The following PMEPA1 variants were observed in gnomAD, a reference collection of about 807,000 sequenced individuals.
The protein encoded by PMEPA1 is protein TMEPAI.
A neutral mutation model predicts 23.0 loss-of-function variants in PMEPA1; 11 were observed. The observed-to-expected ratio is 0.48, with a 90% CI of 0.30 to 0.79. PMEPA1 has a LOEUF of 0.79. Ranked by LOEUF, PMEPA1 falls within the 30% of genes least tolerant of loss-of-function variation. The pLI is 0.06. For synonymous variants in PMEPA1, 204 were observed against 166.4 expected, an observed-to-expected ratio of 1.23 and a Z score of -1.74; for missense variants, 377 against 390.9, an observed-to-expected ratio of 0.96 and a Z score of 0.30.
At chr20:57,663,672 G>A (rs76112234) in intron 1 of PMEPA1, among the ~76,000 whole-genome samples, 1 of 152,336 alleles carries the variant, frequency 6.6e-6, no homozygotes, top group Non-Finnish European at 1.5e-5. Context: ...TGCAGGGCAC[G>A]GAGTGCGGGG....
At chr20:57,658,541 T>G (rs2071359419) in intron 2 of PMEPA1, among the ~76,000 whole-genome samples, 1 of 152,090 alleles carries the variant, frequency 6.6e-6, no homozygotes, top group South Asian at 2.1e-4. Context: ...GATGGATGGA[T>G]GGAAGTGCTT....
At chr20:57,697,662 A>AC (rs2071958886) in intron 1 of PMEPA1, among the ~76,000 whole-genome samples, 1 of 152,234 alleles carries the variant, frequency 6.6e-6, no homozygotes, top group Non-Finnish European at 1.5e-5. Context: ...GCAGCTATGC[A>AC]GATGGGGAAC....
chr20:57,710,264 C>T, upstream of PMEPA1: 2 of 601,526 alleles, frequency 3.3e-6, no homozygotes, highest in Non-Finnish European at 5.3e-6. Flanking sequence ...GCCCGGCGCA[C>T]GCCCGGGGCC....
chr20:57,703,499 CA>C (rs914617402), intron 1 of PMEPA1, among the ~76,000 whole-genome samples: 3 of 152,220 alleles, frequency 2.0e-5, no homozygotes, highest in Non-Finnish European at 4.4e-5. Context: ...CTCTGTCCAC[CA>C]AGCCTGGCAG....
rs1278151162 is a variant in PMEPA1 at position 57,709,630 on chromosome 20, CG to C, written c.-49del. On this transcript the variant is annotated 5_prime_UTR_variant, in exon 1 of 4. Coordinates refer to ENST00000341744, the MANE Select transcript of PMEPA1 (RefSeq NM_020182.5). ...GGGGCGCGGGGGGCTCGGGGGCGGCCGGGGGGGGCTCCGGCCGGCGCCCGGA... is the reference window on the plus strand; with the variant it reads ...GGGGCGCGGGGGGCTCGGGGGCGGCCGGGGGGGCTCCGGCCGGCGCCCGGA... The C allele has an allele frequency of 9.2e-4, 158 of 171,332 alleles. No individual in the cohort carries two copies. The highest frequency in any genetic ancestry group is 1.4e-3 in the South Asian group (6 of 4,172). 10.6% of individuals were successfully genotyped at this position (171,332 alleles called of 1,614,324 possible).
intron 1 of PMEPA1, among the ~76,000 whole-genome samples, chr20:57,680,976 GGTCGGGGCC>G (rs2071704593): frequency 6.6e-6 from 1 of 151,050 alleles, no homozygotes; most frequent in African/African-American, 2.5e-5. Context: ...TCATCCCACG[GGTCGGGGCC>G]GGGTCAGTGA....
intron 1 of PMEPA1, among the ~76,000 whole-genome samples, chr20:57,692,793 G>A (rs2071899604): frequency 6.6e-6 from 1 of 152,218 alleles, no homozygotes; most frequent in Non-Finnish European, 1.5e-5. Context: ...ATCCAGGCCA[G>A]GCTAAGTGGG....
At chr20:57,669,097 C>T (rs1428121878) in intron 1 of PMEPA1, among the ~76,000 whole-genome samples, 2 of 152,134 alleles carry the variant, frequency 1.3e-5, no homozygotes, top group Non-Finnish European at 2.9e-5. Flanking sequence ...AGAATGGTGC[C>T]TTCCCCAAGG....
rs2071718882 is a variant in PMEPA1, at chr20:57,681,794, T to A, written c.110-22097A>T. The stretch of plus-strand genomic sequence containing the variant: ...CCCCCCTCAAGGTGACACGGCCAGC[T>A]GGGAACTGGACATGGCCACCACACC... On this transcript the variant is annotated intron_variant, in intron 1 of 3. Transcript: ENST00000341744. 2.0e-5 allele frequency among the ~76,000 whole-genome samples: 3 copies of A among 152,108 alleles called. No individual in the cohort carries two copies. In the South Asian group the frequency reaches 6.2e-4, roughly 32 times the overall value.
chr20:57,677,004 T>A (rs937849644), intron 1 of PMEPA1, among the ~76,000 whole-genome samples: 7 of 152,168 alleles, frequency 4.6e-5, no homozygotes, highest in Non-Finnish European at 1.5e-5. Flanking sequence ...GCACTTCCCA[T>A]CTCCTTCCTC....
intron 1 of PMEPA1, among the ~76,000 whole-genome samples, chr20:57,676,415 A>G (rs78934930): frequency 6.6e-6 from 1 of 152,186 alleles, no homozygotes; most frequent in Non-Finnish European, 1.5e-5. Context: ...GCATCATGAC[A>G]TGGCAAAGCA....
chr20:57,704,295 T>C lies in PMEPA1; in HGVS notation c.109+5179A>G, dbSNP rs1208488168. On this transcript the variant is annotated intron_variant, in intron 1 of 3. Transcript: ENST00000341744. This position sits in a 1 kb window ranked among gnomAD's most constrained non-coding sequence, Gnocchi z 4.6. ...CCCTGGAGCCCACCCCAAAGACAAC[T>C]GAGTTTGCTTCCCTGAACCATGCTC... Among the ~76,000 whole-genome samples, 3 of 152,038 alleles carry C rather than the reference T, an allele frequency of 2.0e-5. No homozygotes were observed. Among genetic ancestry groups the C allele is most frequent in the Non-Finnish European group, 2.9e-5 (2 of 67,990 alleles).
In PMEPA1 at chr20:57,709,454, G is replaced by A. The variant is rs185137912; in HGVS notation, c.109+20C>T. The A allele has an allele frequency of 2.7e-6, 3 of 1,099,508 alleles. No homozygotes were observed. The highest frequency in any genetic ancestry group is 3.4e-6 in the Non-Finnish European group (3 of 886,580). The allele number at this position is 1,099,508 out of a possible 1,614,324, so 68.1% of individuals were successfully genotyped here. A position where few individuals can be genotyped will look rare whatever the true frequency, so the allele number is the denominator to read the frequency against. On this transcript the variant is annotated intron_variant, in intron 1 of 3. Transcript: ENST00000341744. ...CGAGCCCGATGGAGTCTCCGGGGAG[G>A]GGGGCGTGGGGTCACTCACTGATCT...
At chr20:57,653,921 T>TCTA (rs2071289899) in intron 2 of PMEPA1, among the ~76,000 whole-genome samples, 1 of 152,074 alleles carries the variant, frequency 6.6e-6, no homozygotes, top group Admixed American at 6.6e-5. Context: ...TCTCCCTTGA[T>TCTA]CTAGTGAGCC....
At chr20:57,665,989 C>T (rs1025337477) in intron 1 of PMEPA1, among the ~76,000 whole-genome samples, 9 of 152,160 alleles carry the variant, frequency 5.9e-5, no homozygotes, top group African/African-American at 2.2e-4. Flanking sequence ...TCATTCTGGG[C>T]ATCAAGGCTG....
In PMEPA1 at chr20:57,652,561, A is replaced by G; in HGVS notation, c.356T>C (p.Leu119Pro). Reference sequence around the variant, plus strand: ...CCGCTGGGCGAAGGGCGGCACGGCCAGGCGGTCGGTGGGCCGAGGCGGGGC... The same window carrying G: ...CCGCTGGGCGAAGGGCGGCACGGCCGGGCGGTCGGTGGGCCGAGGCGGGGC... ...VYAPPRPTDR[L>P]AVPPFAQRER... Residue 119 changes from leucine (L) to proline (P), a missense_variant, in exon 4 of 4, where the codon CTG (leucine) becomes CCG (proline). Leu to Pro is a moderately conservative substitution (Grantham distance 98). Coordinates refer to ENST00000341744, the MANE Select transcript of PMEPA1 (RefSeq NM_020182.5). The surrounding 1 kb of genome is among the most constrained non-coding windows in gnomAD (Gnocchi z 6.1). The G allele has an allele frequency of 6.6e-7, 1 of 1,524,412 alleles. No homozygotes were observed. Among genetic ancestry groups the G allele is most frequent in the South Asian group, 1.3e-5 (1 of 76,896 alleles). 94.4% of individuals were successfully genotyped at this position (1,524,412 alleles called of 1,614,324 possible).
At chr20:57,706,482 A>G (rs1300927288) in intron 1 of PMEPA1, among the ~76,000 whole-genome samples, 4 of 152,136 alleles carry the variant, frequency 2.6e-5, no homozygotes, top group African/African-American at 9.7e-5. Context: ...GGGTTTTCCC[A>G]CGGGTATGTT....
rs1197864499 is a variant in PMEPA1 at position 57,682,774 on chromosome 20, G to T, written c.110-23077C>A. Among the ~76,000 whole-genome samples the T allele has an allele frequency of 6.6e-6, 1 of 152,240 alleles. No homozygotes were observed. The highest frequency in any genetic ancestry group is 1.5e-5 in the Non-Finnish European group (1 of 68,050). ...CAATGGATGAGCTATAAATATTTCT[G>T]CTAGATGCTGCCTGGGAGCTGGGCT... On this transcript the variant is annotated intron_variant, in intron 1 of 3. Coordinates refer to ENST00000341744, the MANE Select transcript of PMEPA1 (RefSeq NM_020182.5). This position sits in a 1 kb window ranked among gnomAD's most constrained non-coding sequence, Gnocchi z 4.4.
chr20:57,688,424 T>A (rs10854209), intron 1 of PMEPA1, among the ~76,000 whole-genome samples: 35,404 of 151,806 alleles, frequency 0.23, 5,127 homozygotes, highest in East Asian at 0.55. Flanking sequence ...GCCTACGGGG[T>A]AGGCACTTCC....
Sources: gnomAD v4.1 joint callset for allele counts (sites outside exome capture counted in the v4.1 genomes callset) on GRCh38, gnomAD v4.1.1 for gene constraint, Gnocchi (gnomAD v3.1) non-coding constraint, MANE v1.5 for transcripts, NCBI Gene and HGNC (gene_info 2026-07-23, HGNC 2026-07-21) for gene names.